THADA: variants seen among roughly 807,000 people sequenced by gnomAD.
The protein encoded by THADA is tRNA (32-2'-O)-methyltransferase regulator THADA.
A neutral mutation model predicts 219.8 loss-of-function variants in THADA; 213 were observed. The ratio of observed to expected loss-of-function variants is 0.97; its 90% CI spans 0.87 to 1.09. The LOEUF (loss-of-function observed/expected upper bound fraction) is 1.09, where lower values mean the gene tolerates loss of function less well. Among genes scored for constraint, THADA ranks in the 50% least tolerant of loss-of-function variants. The pLI is 0.00. For missense variants in THADA, 2,956 were observed against 2,311.3 expected (o/e 1.28, Z -5.72); for synonymous variants, 1,018 against 828.9 (o/e 1.23, Z -3.92).
chr2:43,531,607 A>C (rs983447790), intron 21 of THADA, among the ~76,000 whole-genome samples: 2 of 152,210 alleles, frequency 1.3e-5, no homozygotes, highest in Non-Finnish European at 2.9e-5. Flanking sequence ...AACAGACTTA[A>C]CTCAAACCAC....
intron 36 of THADA, among the ~76,000 whole-genome samples, chr2:43,258,922 C>T (rs1670639360): frequency 2.0e-5 from 3 of 152,168 alleles, no homozygotes; most frequent in Admixed American, 2.0e-4. Flanking sequence ...CTACACAGGG[C>T]TCACATTGGG....
intron 31 of THADA, among the ~76,000 whole-genome samples, chr2:43,297,390 C>A (rs1339437183): frequency 1.4e-4 from 14 of 101,188 alleles, no homozygotes; most frequent in African/African-American, 9.1e-4. Context: ...CGGCAGCCAC[C>A]CCATCTGGGA....
Position 43,560,299 on chromosome 2 carries a change from CA to C in THADA, c.2397del (p.Phe799LeufsTer4). The C allele has an allele frequency of 6.2e-7, 1 of 1,612,596 alleles. No individual in the cohort carries two copies. The highest frequency in any genetic ancestry group is 8.5e-7 in the Non-Finnish European group (1 of 1,179,266). On this transcript the variant is annotated frameshift_variant, in exon 16 of 38. Coordinates refer to ENST00000405975, the MANE Select transcript of THADA (RefSeq NM_022065.5). LOFTEE classifies it high-confidence loss of function. ...TCAAATGCTAAAATTTTCACGTCTT[CA>C]AAAGTGCTGGTAAAACATTCCATTA... ...QTLMECFTST[F>X]EDVKILAFDL...
chr2:43,502,438 A>G (rs1689110567), intron 24 of THADA, among the ~76,000 whole-genome samples: 1 of 152,064 alleles, frequency 6.6e-6, no homozygotes, highest in Non-Finnish European at 1.5e-5. Context: ...TATAAAAATT[A>G]TCAGGGCATG....
At chr2:43,302,950 TA>T (rs1001343033) in intron 31 of THADA, among the ~76,000 whole-genome samples, 1 of 150,416 alleles carries the variant, frequency 6.6e-6, no homozygotes, top group African/African-American at 2.5e-5. Flanking sequence ...ACTAAGAAAC[TA>T]AAAAAAACTA....
chr2:43,450,441 C>T (rs1214424053), intron 26 of THADA, among the ~76,000 whole-genome samples: 2 of 151,876 alleles, frequency 1.3e-5, no homozygotes, highest in East Asian at 1.9e-4. Flanking sequence ...TAGAATGTTA[C>T]AACCTTAGAA....
intron 36 of THADA, among the ~76,000 whole-genome samples, chr2:43,251,108 C>T (rs1669764172): frequency 6.6e-6 from 1 of 152,138 alleles, no homozygotes; most frequent in Non-Finnish European, 1.5e-5. Flanking sequence ...AAGAAGGGAA[C>T]CCTTGCTTTC....
intron 36 of THADA, among the ~76,000 whole-genome samples, chr2:43,265,501 G>C (rs1671415790): frequency 6.6e-6 from 1 of 152,166 alleles, no homozygotes; most frequent in Non-Finnish European, 1.5e-5. Context: ...CCTTTCCTAA[G>C]TTCTTAAGGC....
intron 36 of THADA, among the ~76,000 whole-genome samples, chr2:43,242,467 A>G (rs1339481334): frequency 1.3e-5 from 2 of 152,088 alleles, no homozygotes; most frequent in African/African-American, 4.8e-5. Context: ...ATCTGACTCC[A>G]GCACTCCAGC....
intron 24 of THADA, among the ~76,000 whole-genome samples, chr2:43,501,283 G>A (rs2105069440): frequency 1.3e-5 from 1 of 77,624 alleles, no homozygotes; most frequent in East Asian, 3.6e-4. Flanking sequence ...TCGAACCTGG[G>A]CAACAAAAGC....
intron 26 of THADA, among the ~76,000 whole-genome samples, chr2:43,479,045 C>A (rs1269083497): frequency 6.6e-6 from 1 of 152,120 alleles, no homozygotes; most frequent in Admixed American, 6.5e-5. Flanking sequence ...GTTAATTCTA[C>A]AAACAACTCT....
intron 18 of THADA, 99 bp downstream of exon 18, chr2:43,552,105 A>C: frequency 6.5e-7 from 1 of 1,530,192 alleles, no homozygotes; most frequent in South Asian, 1.3e-5. Context: ...TATTCAAAGC[A>C]ATAGACTGCA....
At chr2:43,311,211 G>T (rs1018376353) in intron 31 of THADA, among the ~76,000 whole-genome samples, 1 of 151,600 alleles carries the variant, frequency 6.6e-6, no homozygotes, top group African/African-American at 2.4e-5. Context: ...TTAAAAATGC[G>T]CAAAGGATCT....
At chr2:43,506,181 T>C (rs1689645778) in intron 23 of THADA, among the ~76,000 whole-genome samples, 1 of 152,194 alleles carries the variant, frequency 6.6e-6, no homozygotes, top group Admixed American at 6.5e-5. Flanking sequence ...TCCCTGGAGA[T>C]GAAGCAGTTA....
chr2:43,368,009 T>C (rs1461979488), intron 29 of THADA, among the ~76,000 whole-genome samples: 1 of 152,000 alleles, frequency 6.6e-6, no homozygotes, highest in Non-Finnish European at 1.5e-5. Flanking sequence ...TCCCAGCTAC[T>C]TGGGAGGCTG....
intron 35 of THADA, among the ~76,000 whole-genome samples, chr2:43,281,568 G>C (rs1194243879): frequency 6.7e-6 from 1 of 148,744 alleles, no homozygotes; most frequent in African/African-American, 2.5e-5. Context: ...GAGCCTCCCG[G>C]GTAGCTGGGA....
rs1574252856 is a variant in THADA, at chr2:43,558,673, C to T, written c.2463+1561G>A. ...AAGTTCTTCAGCTTTAGCTTCCTTG[C>T]TCCTCAGCTTGCAGAGGGCTATTGT... On this transcript the variant is annotated intron_variant, in intron 16 of 37. Transcript: ENST00000405975. Among the ~76,000 whole-genome samples the T allele has an allele frequency of 2.0e-5, 3 of 152,308 alleles. No individual in the cohort carries two copies. In the South Asian group the frequency reaches 6.2e-4, roughly 32 times the overall value.
At chr2:43,353,132 C>A (rs1317717373) in intron 29 of THADA, among the ~76,000 whole-genome samples, 2 of 152,274 alleles carry the variant, frequency 1.3e-5, no homozygotes, top group East Asian at 3.9e-4. Context: ...ATCTCAGTTT[C>A]TTTATTCATT....
intron 29 of THADA, among the ~76,000 whole-genome samples, chr2:43,351,628 T>C (rs1182966467): frequency 6.6e-6 from 1 of 152,136 alleles, no homozygotes; most frequent in African/African-American, 2.4e-5. Flanking sequence ...TTTTCTAGAG[T>C]ATAGAGCTCT....
Sources: gnomAD v4.1 joint callset for allele counts (sites outside exome capture counted in the v4.1 genomes callset) on GRCh38, gnomAD v4.1.1 for gene constraint, MANE v1.5 for transcripts, NCBI Gene and HGNC (gene_info 2026-07-23, HGNC 2026-07-21) for gene names.